Variants in SMAGP observed in about 807,000 individuals in gnomAD.
The protein encoded by SMAGP is small cell transmembrane and glycosylated protein.
In SMAGP, 7 loss-of-function variants were observed where a neutral mutation model predicts 10.1. The ratio of observed to expected loss-of-function variants is 0.70; its 90% CI spans 0.40 to 1.31. The LOEUF (loss-of-function observed/expected upper bound fraction) is 1.31. Among genes scored for constraint, SMAGP ranks in the 50% most tolerant of loss-of-function variants. The pLI, the probability that SMAGP is intolerant of heterozygous loss-of-function variation, is 0.01. For missense variants in SMAGP, 113 were observed against 116.5 expected, an observed-to-expected ratio of 0.97 and a Z score of 0.14; for synonymous variants, 49 against 47.2, an observed-to-expected ratio of 1.04 and a Z score of -0.16.
chr12:51,250,746 G>C (rs1944830230), intron 2 of SMAGP, among the ~76,000 whole-genome samples: 3 of 152,126 alleles, frequency 2.0e-5, no homozygotes, highest in Non-Finnish European at 2.9e-5. Context: ...GGCTCACAAT[G>C]ATTTCTGCCT....
chr12:51,265,156 A>G (rs905311565), intron 2 of SMAGP, among the ~76,000 whole-genome samples: 27 of 152,224 alleles, frequency 1.8e-4, no homozygotes, highest in African/African-American at 6.5e-4. Flanking sequence ...ATGCAAATCA[A>G]AACCACAATG....
At chr12:51,269,654 C>T (rs1474346025) in intron 1 of SMAGP, 3 of 205,594 alleles carry the variant, frequency 1.5e-5, no homozygotes, top group African/African-American at 6.9e-5. Flanking sequence ...TTCGCCAAAG[C>T]GCGGTAACAG....
chr12:51,260,582 G>A (rs140158420), intron 2 of SMAGP, among the ~76,000 whole-genome samples: 2,276 of 150,334 alleles, frequency 0.015, 60 homozygotes, highest in African/African-American at 0.053. Context: ...GTTTCACCGT[G>A]TTAGCCAGGA....
rs575269655 is a variant in SMAGP, at chr12:51,244,849, G to A, written c.*1092C>T. The A allele has an allele frequency of 2.1e-4, 27 of 131,558 alleles. No individual in the cohort carries two copies. Among genetic ancestry groups the A allele is most frequent in the African/African-American group, 7.4e-4 (26 of 34,974 alleles). 8.1% of individuals were successfully genotyped at this position (131,558 alleles called of 1,614,324 possible). A position where few individuals can be genotyped will look rare whatever the true frequency, so the allele number is the denominator to read the frequency against. On this transcript the variant is annotated 3_prime_UTR_variant, in exon 4 of 4. Coordinates refer to ENST00000603798, the MANE Select transcript of SMAGP (RefSeq NM_001031628.2). ...TTTTTTTTTTTTTTTTTTTGAGACG[G>A]AGTCTCACTCTGTTGCCCAGGCTGG...
intron 2 of SMAGP, among the ~76,000 whole-genome samples, chr12:51,250,194 ACT>A (rs1944822816): frequency 8.0e-6 from 1 of 125,138 alleles, no homozygotes; most frequent in Non-Finnish European, 1.6e-5. Flanking sequence ...ACACAGTAAG[ACT>A]CTGTCTACAA....
chr12:51,265,368 A>G (rs1944965225), intron 2 of SMAGP, among the ~76,000 whole-genome samples: 1 of 152,216 alleles, frequency 6.6e-6, no homozygotes, highest in Non-Finnish European at 1.5e-5. Flanking sequence ...ACTTCTGAGC[A>G]TACATCCCAA....
intron 2 of SMAGP, chr12:51,251,693 C>T (rs796369379): frequency 3.3e-5 from 5 of 152,168 alleles, no homozygotes; most frequent in African/African-American, 1.2e-4. Context: ...AACTGGCTCA[C>T]TGGTGATAGG....
rs530611920 is a variant in SMAGP, at chr12:51,270,304, G to C, written c.-87C>G. On this transcript the variant is annotated 5_prime_UTR_variant, in exon 1 of 4. Coordinates refer to ENST00000603798, the MANE Select transcript of SMAGP (RefSeq NM_001031628.2). ...GTGAAGGGCCGGCGCCGCTCCGCGC[G>C]TCCTTTTGAACTCAACGGGGGCGGG... The C allele has an allele frequency of 1.4e-3, 228 of 160,228 alleles. No individual in the cohort carries two copies. Among genetic ancestry groups the C allele is most frequent in the African/African-American group, 5.1e-3 (216 of 41,974 alleles). The allele number at this position is 160,228 out of a possible 1,614,324, so 9.9% of individuals were successfully genotyped here.
At chr12:51,261,828 G>C (rs969827731) in intron 2 of SMAGP, among the ~76,000 whole-genome samples, 4 of 151,334 alleles carry the variant, frequency 2.6e-5, no homozygotes, top group African/African-American at 9.7e-5. Context: ...GGAAACAGTT[G>C]CTAAAACGAA....
intron 2 of SMAGP, among the ~76,000 whole-genome samples, chr12:51,261,220 C>G (rs967685993): frequency 2.0e-5 from 3 of 150,654 alleles, no homozygotes; most frequent in Non-Finnish European, 4.4e-5. Context: ...CTCAGCCTCC[C>G]AAGTAGCTGG....
At chr12:51,266,545 T>C (rs1245963501) in intron 2 of SMAGP, among the ~76,000 whole-genome samples, 1 of 152,160 alleles carries the variant, frequency 6.6e-6, no homozygotes, top group African/African-American at 2.4e-5. Context: ...GAGAGACCAT[T>C]TTCACATAAC....
intron 1 of SMAGP, chr12:51,269,949 G>C (rs1463643235): frequency 3.3e-5 from 5 of 151,966 alleles, no homozygotes; most frequent in African/African-American, 1.2e-4. Flanking sequence ...CCCGCGCCCC[G>C]GAGATCCTCG....
Position 51,245,934 on chromosome 12 carries a change from G to T in SMAGP, c.*7C>A. ...CCAGGAATAAGCTCCTTGGGGCCTG[G>T]GAGTCATTAGATGAAATATTCCTCT... On this transcript the variant is annotated 3_prime_UTR_variant, in exon 4 of 4. Coordinates refer to ENST00000603798, the MANE Select transcript of SMAGP (RefSeq NM_001031628.2). The T allele has an allele frequency of 6.2e-7, 1 of 1,611,288 alleles. No homozygotes were observed. Among genetic ancestry groups the T allele is most frequent in the Non-Finnish European group, 8.5e-7 (1 of 1,178,204 alleles).
intron 1 of SMAGP, 181 bp from the exon 2 acceptor site, chr12:51,269,497 G>A (rs1030174685): frequency 3.5e-6 from 2 of 576,812 alleles, no homozygotes; most frequent in Non-Finnish European, 3.1e-6. Flanking sequence ...CTCTCCACAG[G>A]AGCAGGTCTG....
chr12:51,266,858 G>A (rs1944978799), intron 2 of SMAGP, among the ~76,000 whole-genome samples: 1 of 152,208 alleles, frequency 6.6e-6, no homozygotes, highest in African/African-American at 2.4e-5. Flanking sequence ...GCATGAGCCT[G>A]TAATCCCAGC....
intron 2 of SMAGP, among the ~76,000 whole-genome samples, chr12:51,262,903 A>G (rs1944942495): frequency 6.6e-6 from 1 of 152,056 alleles, no homozygotes; most frequent in South Asian, 2.1e-4. Context: ...AGTTCTTTCC[A>G]TGGGAAGCCA....
intron 2 of SMAGP, among the ~76,000 whole-genome samples, chr12:51,266,928 C>A (rs1299692164): frequency 6.6e-6 from 1 of 152,148 alleles, no homozygotes; most frequent in African/African-American, 2.4e-5. Context: ...CCAGCCTGGC[C>A]AACATGGCGA....
intron 2 of SMAGP, among the ~76,000 whole-genome samples, chr12:51,253,418 C>T (rs955124993): frequency 7.2e-5 from 11 of 152,116 alleles, no homozygotes; most frequent in Non-Finnish European, 1.3e-4. Flanking sequence ...CCCGCAATCC[C>T]ACTTCTAGGT....
intron 2 of SMAGP, among the ~76,000 whole-genome samples, chr12:51,266,239 C>T (rs1309798104): frequency 6.6e-6 from 1 of 152,002 alleles, no homozygotes; most frequent in Non-Finnish European, 1.5e-5. Context: ...AATTATGTAC[C>T]GTTCTGAGTA....
Sources: allele counts gnomAD v4.1 joint callset (sites outside exome capture counted in the v4.1 genomes callset), GRCh38; gene constraint gnomAD v4.1.1; transcripts MANE v1.5; gene names NCBI Gene and HGNC (gene_info 2026-07-23, HGNC 2026-07-21).